Variants in PARP16 observed in about 807,000 individuals in gnomAD.
The protein encoded by PARP16 is protein mono-ADP-ribosyltransferase PARP16.
PARP16 carries 31 observed loss-of-function variants against 35.0 expected under a neutral mutation model. That is an observed-to-expected ratio of 0.88 (90% CI 0.66 to 1.19). The LOEUF is 1.19. PARP16 is among the 50% of genes most tolerant of loss of function. PARP16 has a pLI of 0.00. For missense variants in PARP16, 424 were observed against 411.2 expected (o/e 1.03, Z -0.27); for synonymous variants, 162 against 169.5 (o/e 0.96, Z 0.34).
At chr15:65,271,624 G>A (rs2090098216) in intron 1 of PARP16, among the ~76,000 whole-genome samples, 2 of 152,046 alleles carry the variant, frequency 1.3e-5, no homozygotes, top group Admixed American at 1.3e-4. Context: ...CCTGACCTGA[G>A]CTGATGTGAG....
chr15:65,276,746 T>G (rs2090270183), intron 1 of PARP16, among the ~76,000 whole-genome samples: 1 of 152,090 alleles, frequency 6.6e-6, no homozygotes, highest in Admixed American at 6.5e-5. Flanking sequence ...TTTGGGAGGT[T>G]GAGGTGGGTG....
At chr15:65,267,546 G>T (rs1419831833) in intron 2 of PARP16, among the ~76,000 whole-genome samples, 1 of 151,380 alleles carries the variant, frequency 6.6e-6, no homozygotes. Flanking sequence ...GGCAGAGCTT[G>T]CAGTGAGCCG....
intron 3 of PARP16, among the ~76,000 whole-genome samples, chr15:65,264,269 G>C (rs1406504512): frequency 2.6e-5 from 4 of 152,154 alleles, no homozygotes; most frequent in African/African-American, 7.2e-5. Context: ...ACAATTGCCA[G>C]CACAGTAATA....
chr15:65,253,737 A>G (rs970285559), downstream of PARP16, among the ~76,000 whole-genome samples: 2 of 152,176 alleles, frequency 1.3e-5, no homozygotes, highest in African/African-American at 4.8e-5. Context: ...TCCAGCACCT[A>G]CCATATCTTA....
At chr15:65,251,029 G>A (rs7177078) in intron 2 of PARP16, among the ~76,000 whole-genome samples, 2,419 of 152,038 alleles carry the variant, frequency 0.016, 53 homozygotes, top group African/African-American at 0.049. Context: ...GATTACAGGC[G>A]TGCACCACCA....
intron 2 of PARP16, among the ~76,000 whole-genome samples, chr15:65,267,807 A>G (rs1432553898): frequency 7.0e-6 from 1 of 143,370 alleles, no homozygotes; most frequent in Non-Finnish European, 1.5e-5. Flanking sequence ...TCTCTGCCTC[A>G]GCCTCCGGAG....
intron 2 of PARP16, among the ~76,000 whole-genome samples, chr15:65,267,717 C>T (rs1243185912): frequency 1.3e-4 from 10 of 77,842 alleles, no homozygotes; most frequent in South Asian, 9.8e-4. Context: ...GAGACAGTCT[C>T]GCTCTGTCGC....
chr15:65,259,209 C>T lies in PARP16; in HGVS notation c.*198G>A. On this transcript the variant is annotated 3_prime_UTR_variant, in exon 6 of 6. Transcript: ENST00000649807. Reference sequence around the variant, plus strand: ...TCCCCTAAAACCTAAGAGTGAGGGACTAGTAGTCCCCGTTGACTGGAGTAT... The same window carrying T: ...TCCCCTAAAACCTAAGAGTGAGGGATTAGTAGTCCCCGTTGACTGGAGTAT... 1 of 630,060 alleles carries T rather than the reference C, an allele frequency of 1.6e-6. No homozygotes were observed. Among genetic ancestry groups the T allele is most frequent in the Middle Eastern group, 4.6e-4 (1 of 2,156 alleles). 39.0% of individuals were successfully genotyped at this position (630,060 alleles called of 1,614,324 possible).
chr15:65,263,624 G>A (rs1379266956), intron 3 of PARP16, among the ~76,000 whole-genome samples: 1 of 152,136 alleles, frequency 6.6e-6, no homozygotes, highest in Non-Finnish European at 1.5e-5. Context: ...AACCAACCTC[G>A]GTTTGAATCC....
intron 1 of PARP16, among the ~76,000 whole-genome samples, chr15:65,284,814 T>C (rs2090533633): frequency 2.3e-5 from 3 of 130,368 alleles, no homozygotes; most frequent in South Asian, 5.0e-4. Flanking sequence ...CCAACGTCTT[T>C]TTTTTTTTTT....
chr15:65,271,171 T>A, intron 1 of PARP16, 99 bp from the exon 2 acceptor site: 1 of 1,079,486 alleles, frequency 9.3e-7, no homozygotes, highest in South Asian at 1.3e-5. Flanking sequence ...TTGTTGCACG[T>A]CTCAAGGGAT....
chr15:65,278,810 GTCACA>G (rs2090334986), intron 1 of PARP16, among the ~76,000 whole-genome samples: 3 of 152,182 alleles, frequency 2.0e-5, no homozygotes, highest in Admixed American at 6.5e-5. Context: ...AGTGTCAGAG[GTCACA>G]GTTACTAGAT....
At chr15:65,237,738 G>C (rs73468730) in intron 3 of PARP16, among the ~76,000 whole-genome samples, 8,065 of 152,228 alleles carry the variant, frequency 0.053, 348 homozygotes, top group African/African-American at 0.12. Context: ...TGAACTTCTG[G>C]CCTCCAGAAC....
At chr15:65,233,894 C>T (rs1394879851), downstream of PARP16, among the ~76,000 whole-genome samples, 1 of 152,092 alleles carries the variant, frequency 6.6e-6, no homozygotes, top group Non-Finnish European at 1.5e-5. Flanking sequence ...TACTTTCTTG[C>T]CAACTCATCA....
chr15:65,239,452 A>AAAAG (rs34910178), intron 3 of PARP16, among the ~76,000 whole-genome samples: 27 of 113,068 alleles, frequency 2.4e-4, no homozygotes, highest in African/African-American at 2.5e-4. Context: ...AAAAAAAAAA[A>AAAAG]AGAGAGAAAA....
chr15:65,238,400 G>A (rs531394709), intron 3 of PARP16, among the ~76,000 whole-genome samples: 46 of 152,232 alleles, frequency 3.0e-4, no homozygotes, highest in South Asian at 1.2e-3. Context: ...CTTGTTCCAC[G>A]CTCACCACCA....
At position 65,273,633 on chromosome 15, in the gene PARP16, C is replaced by A. The variant is rs142272388; in HGVS notation, c.175-2561G>T. ...GTGGCTCATGCCTGTAATCCCAGCA[C>A]TTTGGGAGGCTGGGGTGGGCGGATC... On this transcript the variant is annotated intron_variant, in intron 1 of 5. Transcript: ENST00000649807. 4.0e-3 allele frequency among the ~76,000 whole-genome samples: 614 copies of A among 152,018 alleles called. 6 individuals carry two copies. The highest frequency in any genetic ancestry group is 0.014 in the African/African-American group (583 of 41,468).
chr15:65,269,909 T>C (rs1351673381), intron 2 of PARP16, among the ~76,000 whole-genome samples: 1 of 152,152 alleles, frequency 6.6e-6, no homozygotes, highest in Non-Finnish European at 1.5e-5. Flanking sequence ...TAAATTTGAA[T>C]TCAACACATA....
rs2090607576 is a variant in PARP16, at chr15:65,286,637, AAG to A, written c.-213_-212del. ...GGGTCTGGGCCGCGGCTCGCCGCCG[AAG>A]AGAGAGACCGAGGCCTGGACCGCGG... On this transcript the variant is annotated 5_prime_UTR_variant, in exon 1 of 6. Coordinates refer to ENST00000649807, the MANE Select transcript of PARP16 (RefSeq NM_001316943.2). 4.6e-6 allele frequency: 2 copies of A among 434,018 alleles called. No individual in the cohort carries two copies. Among genetic ancestry groups the A allele is most frequent in the Non-Finnish European group, 8.1e-6 (2 of 245,672 alleles). The allele number at this position is 434,018 out of a possible 1,614,324, so 26.9% of individuals were successfully genotyped here.
Sources: allele counts gnomAD v4.1 joint callset (sites outside exome capture counted in the v4.1 genomes callset), GRCh38; gene constraint gnomAD v4.1.1; transcripts MANE v1.5; gene names NCBI Gene and HGNC (gene_info 2026-07-23, HGNC 2026-07-21).